CRACD: variants seen among roughly 807,000 people sequenced by gnomAD.
CRACD encodes the protein capping protein inhibiting regulator of actin dynamics.
CRACD carries 56 observed loss-of-function variants against 106.8 expected under a neutral mutation model. The ratio of observed to expected loss-of-function variants is 0.52; its 90% CI spans 0.42 to 0.66. CRACD has a LOEUF of 0.66. Ranked by LOEUF, CRACD falls within the 30% of genes least tolerant of loss-of-function variation. The probability of loss-of-function intolerance (pLI) is 0.00; values close to 1 mark genes in which losing one functional copy is unlikely to be tolerated. For missense variants in CRACD, 1,730 were observed against 1,623.2 expected (o/e 1.07, Z -1.13); for synonymous variants, 754 against 670.8 (o/e 1.12, Z -1.92).
rs183043157 is a variant in CRACD, at chr4:56,081,668, G to A, written c.-336+32369G>A. On this transcript the variant is annotated intron_variant, in intron 1 of 10. Coordinates refer to ENST00000682029, the MANE Select transcript of CRACD (RefSeq NM_001393381.1). ...GGAACCTCTCTGGTTATTGGGCATG[G>A]GGTAGTGCATAAGATAGGCCAGGTT... Among the ~76,000 whole-genome samples the A allele has an allele frequency of 4.9e-3, 741 of 152,180 alleles. 4 individuals are homozygous for A. The highest frequency in any genetic ancestry group is 7.0e-3 in the Non-Finnish European group (477 of 67,990).
At chr4:56,053,277 T>C (rs1731934406) in intron 1 of CRACD, among the ~76,000 whole-genome samples, 1 of 152,206 alleles carries the variant, frequency 6.6e-6, no homozygotes, top group Admixed American at 6.5e-5. Context: ...TAAAGTACTT[T>C]AAGAAACCAC....
chr4:56,099,492 C>T (rs961230462), intron 1 of CRACD, among the ~76,000 whole-genome samples: 2 of 152,148 alleles, frequency 1.3e-5, no homozygotes, highest in African/African-American at 2.4e-5. Flanking sequence ...CAGCCGCTCA[C>T]ACTGGGGCAT....
At chr4:56,294,269 T>G (rs1183457235) in intron 3 of CRACD, among the ~76,000 whole-genome samples, 1 of 150,914 alleles carries the variant, frequency 6.6e-6, no homozygotes, top group African/African-American at 2.4e-5. Context: ...AATTGATAAA[T>G]AAACTTAGCA....
intron 3 of CRACD, among the ~76,000 whole-genome samples, chr4:56,294,125 CT>C: frequency 6.6e-6 from 1 of 151,876 alleles, no homozygotes; most frequent in East Asian, 1.9e-4. Context: ...ACTTGGGAGA[CT>C]GAGGCAGGAG....
At chr4:56,312,029 A>T in intron 6 of CRACD, among the ~76,000 whole-genome samples, 1 of 151,698 alleles carries the variant, frequency 6.6e-6, no homozygotes, top group Admixed American at 6.6e-5. Flanking sequence ...AGGCCATTCC[A>T]CAATTCATCC....
chr4:56,157,004 A>G (rs1235647298), intron 1 of CRACD, among the ~76,000 whole-genome samples: 1 of 152,220 alleles, frequency 6.6e-6, no homozygotes, highest in Non-Finnish European at 1.5e-5. Flanking sequence ...CACTTAATAA[A>G]CATTTGTCAA....
chr4:56,302,534 T>A (rs1744428258), intron 4 of CRACD, among the ~76,000 whole-genome samples: 1 of 152,166 alleles, frequency 6.6e-6, no homozygotes, highest in Non-Finnish European at 1.5e-5. Flanking sequence ...AATACCAAAG[T>A]CATACATTCG....
intron 1 of CRACD, among the ~76,000 whole-genome samples, chr4:56,116,777 G>A (rs1312333348): frequency 1.3e-5 from 2 of 149,238 alleles, no homozygotes; most frequent in Non-Finnish European, 3.0e-5. Context: ...GCACGATCTC[G>A]GCTCAGTGCA....
intron 2 of CRACD, among the ~76,000 whole-genome samples, chr4:56,235,230 G>A (rs1739894607): frequency 6.6e-6 from 1 of 152,160 alleles, no homozygotes; most frequent in Non-Finnish European, 1.5e-5. Context: ...TATCTTGGGG[G>A]TGTTTGTCAA....
intron 1 of CRACD, among the ~76,000 whole-genome samples, chr4:56,129,184 TC>T (rs1042347498): frequency 2.6e-5 from 4 of 152,116 alleles, no homozygotes; most frequent in African/African-American, 9.7e-5. Context: ...CAAGCAATCC[TC>T]CCCCCTCAGC....
At chr4:56,289,029 ATAT>A (rs1560519926) in intron 3 of CRACD, among the ~76,000 whole-genome samples, 1 of 152,260 alleles carries the variant, frequency 6.6e-6, no homozygotes, top group Non-Finnish European at 1.5e-5. Context: ...AAAAGGACAG[ATAT>A]TATATTATTC....
intron 5 of CRACD, among the ~76,000 whole-genome samples, chr4:56,307,907 C>A (rs377039952): frequency 6.6e-6 from 1 of 152,186 alleles, no homozygotes; most frequent in East Asian, 1.9e-4. Flanking sequence ...CCTTTGCAGG[C>A]GGTCTTCCCA....
At chr4:56,236,419 T>C (rs1156433617) in intron 2 of CRACD, among the ~76,000 whole-genome samples, 1 of 152,176 alleles carries the variant, frequency 6.6e-6, no homozygotes, top group Non-Finnish European at 1.5e-5. Flanking sequence ...TGTGGTACTT[T>C]ATTGTGGCAG....
chr4:56,115,315 T>C (rs1403772271), intron 1 of CRACD, among the ~76,000 whole-genome samples: 2 of 152,218 alleles, frequency 1.3e-5, no homozygotes, highest in African/African-American at 4.8e-5. Context: ...TAAAAATGAC[T>C]GCATTTTCTA....
chr4:56,134,881 A>AGT (rs1734946066), intron 1 of CRACD, among the ~76,000 whole-genome samples: 1 of 152,094 alleles, frequency 6.6e-6, no homozygotes, highest in Non-Finnish European at 1.5e-5. Context: ...GCCTGGAGAG[A>AGT]GTAGAACTTG....
intron 2 of CRACD, among the ~76,000 whole-genome samples, chr4:56,197,684 A>ATT (rs542152435): frequency 6.9e-6 from 1 of 145,972 alleles, no homozygotes. Flanking sequence ...GTGCAGGGTG[A>ATT]TTTTTTTTTT....
At chr4:56,263,566 C>T (rs1331470612) in intron 2 of CRACD, among the ~76,000 whole-genome samples, 1 of 152,120 alleles carries the variant, frequency 6.6e-6, no homozygotes, top group Non-Finnish European at 1.5e-5. Context: ...GTCCTAATCT[C>T]CTCCTCTTAT....
intron 1 of CRACD, among the ~76,000 whole-genome samples, chr4:56,151,503 A>G (rs937394616): frequency 6.6e-6 from 1 of 152,030 alleles, no homozygotes; most frequent in African/African-American, 2.4e-5. Flanking sequence ...ATACTTTAAT[A>G]TCTTAGAATA....
At chr4:56,155,884 T>A (rs1735748236) in intron 1 of CRACD, among the ~76,000 whole-genome samples, 1 of 152,204 alleles carries the variant, frequency 6.6e-6, no homozygotes, top group Non-Finnish European at 1.5e-5. Context: ...GACCTGAGAA[T>A]GTCTTTTCAT....
Sources: allele counts gnomAD v4.1 joint callset (sites outside exome capture counted in the v4.1 genomes callset), GRCh38; gene constraint gnomAD v4.1.1; transcripts MANE v1.5; gene names NCBI Gene and HGNC (gene_info 2026-07-23, HGNC 2026-07-21).